Variants in ERC2 observed in about 807,000 individuals in gnomAD.
ERC2 encodes ERC protein 2.
Under a neutral mutation model 114.8 loss-of-function variants are expected in ERC2, and 42 were observed. The observed-to-expected ratio is 0.37, with a 90% confidence interval of 0.29 to 0.47. The LOEUF (loss-of-function observed/expected upper bound fraction) is 0.47, where lower values mean the gene tolerates loss of function less well. Among genes scored for constraint, ERC2 ranks in the 20% least tolerant of loss-of-function variants. ERC2 has a pLI of 0.99. For synonymous variants in ERC2, 454 were observed against 425.5 expected (o/e 1.07, Z -0.82); for missense variants, 939 against 1,150.7 (o/e 0.82, Z 2.66).
intron 8 of ERC2, among the ~76,000 whole-genome samples, chr3:56,012,118 G>C (rs1236789456): frequency 6.6e-6 from 1 of 152,102 alleles, no homozygotes; most frequent in Non-Finnish European, 1.5e-5. Context: ...TGTGACAATG[G>C]TGAGTGGATG....
At position 56,022,923 on chromosome 3, in the gene ERC2, G is replaced by A. The variant is rs549047970; in HGVS notation, c.1642-3892C>T. Reference sequence around the variant, plus strand: ...CCAGTACTGCTGAAGCAATAGCTATGCCTTCTGGGGCAGAAACCTGGAAAG... The same window carrying A: ...CCAGTACTGCTGAAGCAATAGCTATACCTTCTGGGGCAGAAACCTGGAAAG... On this transcript the variant is annotated intron_variant, in intron 7 of 17. Coordinates refer to ENST00000288221, the MANE Select transcript of ERC2 (RefSeq NM_015576.3). 4.6e-5 allele frequency among the ~76,000 whole-genome samples: 7 copies of A among 152,342 alleles called. 1 individual carries two copies. The South Asian group carries it at 1.4e-3, about 32-fold the overall frequency.
chr3:55,947,205 G>A (rs1237393273), intron 13 of ERC2, among the ~76,000 whole-genome samples: 1 of 152,156 alleles, frequency 6.6e-6, no homozygotes, highest in Non-Finnish European at 1.5e-5. Flanking sequence ...GAGCTTAGTG[G>A]CCACTACTCC....
intron 17 of ERC2, among the ~76,000 whole-genome samples, chr3:55,596,062 C>A (rs137992101): frequency 7.4e-4 from 113 of 152,164 alleles, no homozygotes; most frequent in African/African-American, 2.5e-3. Context: ...GCTTTAGATA[C>A]TATCAAAACC....
At chr3:56,399,954 G>A (rs902472915) in intron 2 of ERC2, among the ~76,000 whole-genome samples, 2 of 151,898 alleles carry the variant, frequency 1.3e-5, no homozygotes, top group Non-Finnish European at 2.9e-5. Context: ...AAAAAAGTAA[G>A]TGAGCCTTTT....
chr3:56,030,121 T>G (rs968033088), intron 7 of ERC2, among the ~76,000 whole-genome samples: 3 of 152,182 alleles, frequency 2.0e-5, no homozygotes, highest in Non-Finnish European at 4.4e-5. Context: ...ATAGATCCCC[T>G]TGTCTGTCTG....
At chr3:55,889,091 CAA>C (rs2063491842) in intron 13 of ERC2, among the ~76,000 whole-genome samples, 1 of 152,262 alleles carries the variant, frequency 6.6e-6, no homozygotes, top group Non-Finnish European at 1.5e-5. Context: ...CTCTGTTTGG[CAA>C]AAGTCTCAGA....
chr3:55,730,856 G>C (rs1351245342), intron 15 of ERC2, among the ~76,000 whole-genome samples: 1 of 152,176 alleles, frequency 6.6e-6, no homozygotes, highest in Non-Finnish European at 1.5e-5. Context: ...CTTGAAAAAA[G>C]AAGGCAGTCT....
intron 17 of ERC2, among the ~76,000 whole-genome samples, chr3:55,595,288 C>T (rs936451961): frequency 8.5e-5 from 13 of 152,202 alleles, no homozygotes; most frequent in Admixed American, 8.5e-4. Context: ...ACTTGCTTAT[C>T]TTTAACAGGA....
chr3:55,571,076 C>T (rs2056679765), intron 17 of ERC2, among the ~76,000 whole-genome samples: 1 of 134,630 alleles, frequency 7.4e-6, no homozygotes, highest in Non-Finnish European at 1.6e-5. Flanking sequence ...TGCAGTAAGC[C>T]GAGATTGTGC....
At chr3:55,707,837 T>C (rs905856608) in intron 15 of ERC2, among the ~76,000 whole-genome samples, 2 of 152,226 alleles carry the variant, frequency 1.3e-5, no homozygotes, top group Non-Finnish European at 2.9e-5. Flanking sequence ...AGTGACACAG[T>C]TGCACATGCC....
Position 56,212,690 on chromosome 3 carries a change from T to A in ERC2, c.1075-39170A>T, listed in dbSNP as rs529543185. Among the ~76,000 whole-genome samples, 5 of 152,256 alleles carry A rather than the reference T, an allele frequency of 3.3e-5. No homozygotes were observed. The South Asian group carries it at 8.3e-4, about 25-fold the overall frequency. ...GGCACAATTTGCAATTGCAAAAATATGGAACCAGCCCAAATGCCCATCAAT... is the reference window on the plus strand; with the variant it reads ...GGCACAATTTGCAATTGCAAAAATAAGGAACCAGCCCAAATGCCCATCAAT... On this transcript the variant is annotated intron_variant, in intron 3 of 17. Coordinates refer to ENST00000288221, the MANE Select transcript of ERC2 (RefSeq NM_015576.3).
At position 56,019,009 on chromosome 3, in the gene ERC2, A is replaced by C; in HGVS notation, c.1664T>G (p.Leu555Arg). 6.2e-7 allele frequency: 1 copy of C among 1,611,758 alleles called. No individual in the cohort carries two copies. Among genetic ancestry groups the C allele is most frequent in the Non-Finnish European group, 8.5e-7 (1 of 1,178,926 alleles). The change falls in exon 8 of 18, where the codon CTT (leucine) becomes CGT (arginine). Residue 555 changes from leucine to arginine, a missense_variant. By Grantham distance (102) the Leu-to-Arg change is moderately radical (BLOSUM62 -2). Around this residue, in one of 5 missense-constraint regions of ERC2, gnomAD observed 149 missense variants for 254.6 expected, o/e 0.59. Coordinates refer to ENST00000288221, the MANE Select transcript of ERC2 (RefSeq NM_015576.3). ...GGTCAGTTGCTTGTCTTTATCCCTA[A>C]GTTGTTCTTGCAAGTTTTCAATCTA... ...QKKIENLQEQ[L>R]RDKDKQLTNL...
intron 14 of ERC2, among the ~76,000 whole-genome samples, chr3:55,741,391 G>T (rs2065955760): frequency 6.6e-6 from 1 of 151,644 alleles, no homozygotes; most frequent in African/African-American, 2.4e-5. Context: ...TTTTTTAAAG[G>T]CTCAAGTTTA....
chr3:56,371,738 GCCTGTCATC>G (rs1176619744), intron 2 of ERC2, among the ~76,000 whole-genome samples: 3 of 152,198 alleles, frequency 2.0e-5, no homozygotes, highest in Non-Finnish European at 4.4e-5. Flanking sequence ...CCCTTGGCTA[GCCTGTCATC>G]CCACCACTGT....
At chr3:56,110,336 T>G (rs1188704457) in intron 6 of ERC2, among the ~76,000 whole-genome samples, 1 of 152,182 alleles carries the variant, frequency 6.6e-6, no homozygotes, top group African/African-American at 2.4e-5. Context: ...TGTTCAAAGA[T>G]ATTCCCACTG....
intron 13 of ERC2, among the ~76,000 whole-genome samples, chr3:55,888,921 T>G (rs2063484187): frequency 6.6e-6 from 1 of 152,094 alleles, no homozygotes; most frequent in Non-Finnish European, 1.5e-5. Flanking sequence ...AAGAAAAAAT[T>G]AAAACAAAAC....
At chr3:56,083,662 C>A (rs746562279) in intron 6 of ERC2, among the ~76,000 whole-genome samples, 1 of 151,976 alleles carries the variant, frequency 6.6e-6, no homozygotes, top group Middle Eastern at 3.2e-3. Context: ...AAACACCAAC[C>A]TGGGAACTAA....
intron 2 of ERC2, among the ~76,000 whole-genome samples, chr3:56,390,312 G>C (rs2060083001): frequency 6.6e-6 from 1 of 152,144 alleles, no homozygotes; most frequent in South Asian, 2.1e-4. Flanking sequence ...TTCCAATAAT[G>C]CTCTTATTTC....
intron 3 of ERC2, among the ~76,000 whole-genome samples, chr3:56,257,849 T>G (rs1351662496): frequency 6.6e-6 from 1 of 152,218 alleles, no homozygotes; most frequent in Non-Finnish European, 1.5e-5. Flanking sequence ...GGCTTAAAAA[T>G]TCTCATCAAG....
Sources: allele counts gnomAD v4.1 joint callset (sites outside exome capture counted in the v4.1 genomes callset), GRCh38; gene constraint gnomAD v4.1.1; regional missense constraint gnomAD v4.1.1; transcripts MANE v1.5; gene names NCBI Gene and HGNC (gene_info 2026-07-23, HGNC 2026-07-21).